A1CF: variants seen among roughly 807,000 people sequenced by gnomAD.
The protein encoded by A1CF is APOBEC-1 stimulating protein.
A1CF carries 48 observed loss-of-function variants against 68.9 expected under a neutral mutation model. The observed-to-expected ratio is 0.70, with a 90% confidence interval of 0.55 to 0.89. The LOEUF is 0.89. Ranked by LOEUF, A1CF falls within the 40% of genes least tolerant of loss-of-function variation. The probability of loss-of-function intolerance (pLI) is 0.00; values close to 1 mark genes in which losing one functional copy is unlikely to be tolerated. For synonymous variants in A1CF, 272 were observed against 260.4 expected (o/e 1.04, Z -0.43); for missense variants, 653 against 718.9 (o/e 0.91, Z 1.05).
At chr10:50,883,873 A>G (rs962274296) in intron 1 of A1CF, among the ~76,000 whole-genome samples, 12 of 152,212 alleles carry the variant, frequency 7.9e-5, no homozygotes, top group African/African-American at 2.9e-4. Flanking sequence ...TGAGTAGCTG[A>G]GCCTGTTAGG....
intron 3 of A1CF, among the ~76,000 whole-genome samples, chr10:50,856,077 T>A (rs1259118528): frequency 6.6e-6 from 1 of 152,028 alleles, no homozygotes; most frequent in Non-Finnish European, 1.5e-5. Context: ...TTCTACATAT[T>A]TAGGCTACCC....
chr10:50,822,418 A>G (rs1278135776), intron 7 of A1CF, among the ~76,000 whole-genome samples: 4 of 152,160 alleles, frequency 2.6e-5, no homozygotes, highest in Non-Finnish European at 4.4e-5. Flanking sequence ...GAAGAGGGGG[A>G]AGTCCTTTCT....
chr10:50,863,633 G>T (rs1473321939), intron 2 of A1CF, among the ~76,000 whole-genome samples: 4 of 152,224 alleles, frequency 2.6e-5, no homozygotes, highest in East Asian at 3.9e-4. Context: ...TTTTACAGGG[G>T]ATGAGAGAGG....
chr10:50,838,896 T>TTGAC (rs961098225), intron 5 of A1CF, among the ~76,000 whole-genome samples: 1 of 152,176 alleles, frequency 6.6e-6, no homozygotes, highest in Admixed American at 6.5e-5. Context: ...AACCTGTGCT[T>TTGAC]TGACTGGAAT....
At chr10:50,823,720 AG>A (rs1838783776) in intron 7 of A1CF, 1 of 152,180 alleles carries the variant, frequency 6.6e-6, no homozygotes, top group Non-Finnish European at 1.5e-5. Flanking sequence ...GAAATTCAGC[AG>A]ATACCCTTAG....
intron 3 of A1CF, among the ~76,000 whole-genome samples, chr10:50,857,502 A>T (rs1409798620): frequency 6.6e-6 from 1 of 152,148 alleles, no homozygotes. Flanking sequence ...GTTTGAGAGA[A>T]GTTTTTGGAA....
At chr10:50,876,299 G>T (rs1296541522) in intron 1 of A1CF, among the ~76,000 whole-genome samples, 2 of 152,184 alleles carry the variant, frequency 1.3e-5, no homozygotes, top group African/African-American at 4.8e-5. Context: ...CTTTCCTTTT[G>T]TAATTGCTCT....
intron 8 of A1CF, among the ~76,000 whole-genome samples, chr10:50,816,993 A>C (rs1019668104): frequency 2.0e-5 from 3 of 152,194 alleles, no homozygotes; most frequent in African/African-American, 7.2e-5. Context: ...TGGGAGTGAG[A>C]GTAGTATTGA....
chr10:50,821,486 G>A (rs934553971), intron 7 of A1CF, among the ~76,000 whole-genome samples: 1 of 151,868 alleles, frequency 6.6e-6, no homozygotes, highest in African/African-American at 2.4e-5. Flanking sequence ...CCAACACGAA[G>A]GAGTCTATAA....
At chr10:50,816,711 C>A (rs1838390391) in intron 8 of A1CF, among the ~76,000 whole-genome samples, 1 of 152,072 alleles carries the variant, frequency 6.6e-6, no homozygotes. Context: ...TGAAAGGAAA[C>A]CAATAAAGAA....
rs558976777 is a variant in A1CF, at chr10:50,857,443, C to T, written c.99+2399G>A. Among the ~76,000 whole-genome samples, 4 of 152,206 alleles carry T rather than the reference C, an allele frequency of 2.6e-5. No homozygotes were observed. The East Asian group carries it at 7.7e-4, about 29-fold the overall frequency. ...AGAAGGTAGCAGGAAACTATTTTTCCATTGTTAACTGTCACCCAACACCCT... is the reference window on the plus strand; with the variant it reads ...AGAAGGTAGCAGGAAACTATTTTTCTATTGTTAACTGTCACCCAACACCCT... On this transcript the variant is annotated intron_variant, in intron 3 of 12. Coordinates refer to ENST00000373997, the MANE Select transcript of A1CF (RefSeq NM_014576.4).
intron 11 of A1CF, among the ~76,000 whole-genome samples, chr10:50,810,504 T>C (rs1421002969): frequency 1.3e-5 from 2 of 152,168 alleles, no homozygotes; most frequent in Non-Finnish European, 2.9e-5. Flanking sequence ...TTGTTTGAAA[T>C]GGAGTCTCAC....
At chr10:50,860,529 A>G (rs1295966617) in intron 2 of A1CF, among the ~76,000 whole-genome samples, 1 of 152,212 alleles carries the variant, frequency 6.6e-6, no homozygotes, top group Non-Finnish European at 1.5e-5. Flanking sequence ...TAAAAATGTG[A>G]CATTAATTTT....
At position 50,801,937 on chromosome 10, in the gene A1CF, A is replaced by G. The variant is rs1162887933; in HGVS notation, c.*4792T>C. ...ACATAAAGTTTGCAATCTCCCACAA[A>G]TGAGCCTACATATACATTGCTATCT... On this transcript the variant is annotated 3_prime_UTR_variant, in exon 13 of 13. Transcript: ENST00000373997. 6.6e-6 allele frequency: 1 copy of G among 152,196 alleles called. No homozygotes were observed. The highest frequency in any genetic ancestry group is 2.4e-5 in the African/African-American group (1 of 41,462). 9.4% of individuals were successfully genotyped at this position (152,196 alleles called of 1,614,324 possible).
Position 50,818,924 on chromosome 10 carries a change from C to T in A1CF, c.867+1628G>A, listed in dbSNP as rs1004341375. ...CACCACCTACCAGCTCCAGCCTGCT[C>T]TCTGCTCTGGGAAGCTGTTCTACAT... On this transcript the variant is annotated intron_variant, in intron 8 of 12. Coordinates refer to ENST00000373997, the MANE Select transcript of A1CF (RefSeq NM_014576.4). Among the ~76,000 whole-genome samples the T allele has an allele frequency of 2.1e-4, 32 of 152,272 alleles. No individual in the cohort carries two copies. The East Asian group carries it at 6.2e-3, about 29-fold the overall frequency.
intron 3 of A1CF, among the ~76,000 whole-genome samples, chr10:50,857,055 G>A (rs1351336283): frequency 6.6e-6 from 1 of 151,996 alleles, no homozygotes; most frequent in Admixed American, 6.6e-5. Context: ...TATTTGAAAG[G>A]TTTCTTCATA....
chr10:50,830,775 T>C (rs1054160734), intron 6 of A1CF, among the ~76,000 whole-genome samples: 1 of 152,064 alleles, frequency 6.6e-6, no homozygotes, highest in Admixed American at 6.6e-5. Context: ...ATTCTAAAAT[T>C]TGTATGGGGC....
intron 3 of A1CF, chr10:50,850,592 T>G (rs1056991719): frequency 2.2e-5 from 32 of 1,448,442 alleles, no homozygotes; most frequent in Non-Finnish European, 2.9e-5. Flanking sequence ...CAAAAAGCAT[T>G]TGTGTGTGTG....
intron 5 of A1CF, 51 bp from the exon 6 acceptor site, chr10:50,836,363 G>T: frequency 6.4e-7 from 1 of 1,559,124 alleles, no homozygotes; most frequent in Non-Finnish European, 8.7e-7. Flanking sequence ...TAGGATTCAG[G>T]TTGAAAATGT....
Sources: allele counts gnomAD v4.1 joint callset (sites outside exome capture counted in the v4.1 genomes callset), GRCh38; gene constraint gnomAD v4.1.1; transcripts MANE v1.5; gene names NCBI Gene and HGNC (gene_info 2026-07-23, HGNC 2026-07-21).